ITSN1: variants seen among roughly 807,000 people sequenced by gnomAD.
The protein encoded by ITSN1 is intersectin-1.
Under a neutral mutation model 239.8 loss-of-function variants are expected in ITSN1, and 58 were observed. That is an observed-to-expected ratio of 0.24 (90% confidence interval 0.20 to 0.30). The LOEUF (loss-of-function observed/expected upper bound fraction) is 0.30. ITSN1 is among the 10% of genes least tolerant of loss of function. The pLI, the probability that ITSN1 is intolerant of heterozygous loss-of-function variation, is 1.00. For missense variants in ITSN1, 1,558 were observed against 2,103.3 expected (o/e 0.74, Z 5.07); for synonymous variants, 780 against 770.8 (o/e 1.01, Z -0.20).
chr21:33,861,477 C>T (rs187080490), intron 31 of ITSN1, among the ~76,000 whole-genome samples: 1 of 152,304 alleles, frequency 6.6e-6, no homozygotes, highest in African/African-American at 2.4e-5. Flanking sequence ...CTAACTGGAA[C>T]ACATGGACTT....
At chr21:33,830,531 G>T (rs1465094984) in intron 27 of ITSN1, among the ~76,000 whole-genome samples, 1 of 152,152 alleles carries the variant, frequency 6.6e-6, no homozygotes, top group East Asian at 1.9e-4. Context: ...CGGGAGGGAG[G>T]AGGGAGGGAG....
intron 1 of ITSN1, among the ~76,000 whole-genome samples, chr21:33,647,124 A>T (rs1346804674): frequency 1.3e-5 from 2 of 152,264 alleles, no homozygotes; most frequent in Non-Finnish European, 2.9e-5. Flanking sequence ...GAAAATAAAT[A>T]CTAAATCTCC....
chr21:33,757,968 C>G lies in ITSN1; in HGVS notation c.724+2571C>G, dbSNP rs2068039599. ...AGTAGCTCACTGCAGCCTTGAACTC[C>G]TGGGCTCAAGCAATCCTCTCACCTT... On this transcript the variant is annotated intron_variant, in intron 8 of 39. Transcript: ENST00000381318. Among the ~76,000 whole-genome samples, 3 of 152,234 alleles carry G rather than the reference C, an allele frequency of 2.0e-5. No homozygotes were observed. The South Asian group carries it at 6.2e-4, about 32-fold the overall frequency.
At chr21:33,886,233 G>A (rs1985782926) in intron 38 of ITSN1, 54 bp from the exon 39 acceptor site, 2 of 1,366,686 alleles carry the variant, frequency 1.5e-6, no homozygotes, top group Non-Finnish European at 2.0e-6. Flanking sequence ...AAAAAAGAGT[G>A]GAGATCAAAA....
At chr21:33,883,478 C>T (rs1460783759) in intron 35 of ITSN1, 72 bp from the exon 36 acceptor site, 28 of 1,576,114 alleles carry the variant, frequency 1.8e-5, no homozygotes, top group Non-Finnish European at 2.4e-5. Flanking sequence ...TAAGTGTGCT[C>T]ACACACTCAC....
chr21:33,843,643 T>C (rs1253866810), intron 29 of ITSN1, among the ~76,000 whole-genome samples: 1 of 152,244 alleles, frequency 6.6e-6, no homozygotes, highest in Non-Finnish European at 1.5e-5. Flanking sequence ...TCTATTTCCC[T>C]GTAGACCACC....
At chr21:33,692,188 A>AG (rs1214917137) in intron 1 of ITSN1, among the ~76,000 whole-genome samples, 1 of 152,158 alleles carries the variant, frequency 6.6e-6, no homozygotes, top group African/African-American at 2.4e-5. Flanking sequence ...GGTCAAGGAG[A>AG]GGGTCTTTGT....
intron 1 of ITSN1, among the ~76,000 whole-genome samples, chr21:33,713,499 C>T (rs1190209269): frequency 7.2e-6 from 1 of 139,850 alleles, no homozygotes; most frequent in African/African-American, 2.7e-5. Context: ...GCCTCGGCCT[C>T]CCAGAGTGCT....
At chr21:33,869,359 C>G (rs1602657864) in intron 33 of ITSN1, among the ~76,000 whole-genome samples, 1 of 152,144 alleles carries the variant, frequency 6.6e-6, no homozygotes, top group South Asian at 2.1e-4. Flanking sequence ...CTTACAAAAC[C>G]ATCAGATATT....
At chr21:33,830,859 C>G (rs1040490718) in intron 27 of ITSN1, among the ~76,000 whole-genome samples, 2 of 113,962 alleles carry the variant, frequency 1.8e-5, no homozygotes, top group Admixed American at 2.6e-4. Flanking sequence ...AAGCAACTTG[C>G]AATCAGATGA....
At chr21:33,787,048 C>G (rs768161053) in intron 16 of ITSN1, among the ~76,000 whole-genome samples, 1 of 152,154 alleles carries the variant, frequency 6.6e-6, no homozygotes. Context: ...AGTACTAAGC[C>G]TTCTTTATAA....
chr21:33,834,553 G>A (rs2074490077), intron 28 of ITSN1, 129 bp downstream of exon 28: 2 of 685,638 alleles, frequency 2.9e-6, no homozygotes, highest in Non-Finnish European at 5.2e-6. Context: ...TACTTGCTGG[G>A]ACTGACACCC....
chr21:33,860,978 A>G (rs1980409656), intron 31 of ITSN1, among the ~76,000 whole-genome samples: 1 of 152,118 alleles, frequency 6.6e-6, no homozygotes, highest in Admixed American at 6.5e-5. Context: ...CTCCATCCCA[A>G]GGTTCTCTAT....
chr21:33,779,911 A>AGCTTC (rs2070011652), intron 14 of ITSN1, among the ~76,000 whole-genome samples: 1 of 151,848 alleles, frequency 6.6e-6, no homozygotes, highest in Non-Finnish European at 1.5e-5. Flanking sequence ...GGCTCACTGC[A>AGCTTC]ACCTCTGCTT....
chr21:33,794,787 CAG>C (rs75182903), intron 17 of ITSN1, among the ~76,000 whole-genome samples: 28,425 of 152,042 alleles, frequency 0.19, 3,202 homozygotes, highest in Non-Finnish European at 0.24. Context: ...TAACAGCTAA[CAG>C]GGGTTGGAGT....
intron 1 of ITSN1, among the ~76,000 whole-genome samples, chr21:33,704,949 A>C (rs1464571444): frequency 1.2e-5 from 1 of 84,398 alleles, no homozygotes; most frequent in African/African-American, 6.1e-5. Flanking sequence ...AAAAAAAAAT[A>C]CAAACAAAAA....
intron 1 of ITSN1, among the ~76,000 whole-genome samples, chr21:33,669,508 C>T (rs1490573249): frequency 1.3e-4 from 20 of 150,866 alleles, no homozygotes; most frequent in Non-Finnish European, 2.2e-4. Flanking sequence ...GGTGCGATCT[C>T]GGCTCACTGC....
intron 20 of ITSN1, 135 bp from the exon 21 acceptor site, chr21:33,810,838 CTT>C: frequency 1.0e-6 from 1 of 1,001,458 alleles, no homozygotes; most frequent in Non-Finnish European, 1.6e-6. Context: ...TTCCCAGACA[CTT>C]GGACTAAGAT....
intron 27 of ITSN1, among the ~76,000 whole-genome samples, chr21:33,832,369 C>G (rs2074345728): frequency 6.6e-6 from 1 of 152,224 alleles, no homozygotes; most frequent in South Asian, 2.1e-4. Flanking sequence ...TTTCTGTGCA[C>G]ATTTCTTACT....
Sources: allele counts gnomAD v4.1 joint callset (sites outside exome capture counted in the v4.1 genomes callset), GRCh38; gene constraint gnomAD v4.1.1; transcripts MANE v1.5; gene names NCBI Gene and HGNC (gene_info 2026-07-23, HGNC 2026-07-21).